Variants in IMPG1 observed in about 807,000 individuals in gnomAD.
IMPG1 encodes the protein interphotoreceptor matrix proteoglycan 1.
In IMPG1, 85 loss-of-function variants were observed where a neutral mutation model predicts 92.0. The observed-to-expected ratio is 0.92, with a 90% CI of 0.78 to 1.11. IMPG1 has a LOEUF of 1.11. Among genes scored for constraint, IMPG1 ranks in the 50% least tolerant of loss-of-function variants. IMPG1 has a pLI of 0.00. For missense variants in IMPG1, 1,022 were observed against 956.0 expected (o/e 1.07, Z -0.91); for synonymous variants, 367 against 334.1 (o/e 1.10, Z -1.08).
At chr6:75,931,197 C>T in intron 14 of IMPG1, 46 bp from the exon 15 acceptor site, 1 of 1,542,458 alleles carries the variant, frequency 6.5e-7, no homozygotes, top group Non-Finnish European at 8.8e-7. Context: ...AATAGCTAAG[C>T]AATGGAACTG....
At chr6:75,958,691 AC>A (rs1782168090) in intron 12 of IMPG1, among the ~76,000 whole-genome samples, 1 of 152,046 alleles carries the variant, frequency 6.6e-6, no homozygotes, top group South Asian at 2.1e-4. Flanking sequence ...TGTATGCCTC[AC>A]GAAGTTCTCG....
intron 8 of IMPG1, among the ~76,000 whole-genome samples, chr6:76,010,782 T>C (rs1473600722): frequency 6.6e-6 from 1 of 152,198 alleles, no homozygotes; most frequent in Non-Finnish European, 1.5e-5. Context: ...TAGCATCCCA[T>C]AGGAAACCAG....
intron 8 of IMPG1, 125 bp downstream of exon 8, chr6:76,011,041 T>A: frequency 1.7e-6 from 1 of 599,630 alleles, no homozygotes; most frequent in Non-Finnish European, 3.0e-6. Flanking sequence ...GTACTCCGTT[T>A]CCAGGATTTG....
At chr6:76,045,702 G>A (rs1260651731) in intron 1 of IMPG1, among the ~76,000 whole-genome samples, 1 of 152,132 alleles carries the variant, frequency 6.6e-6, no homozygotes, top group Non-Finnish European at 1.5e-5. Context: ...AATAAAAAGA[G>A]CTGATAGTTG....
At chr6:76,064,515 T>A (rs779964991) in intron 1 of IMPG1, among the ~76,000 whole-genome samples, 2 of 152,066 alleles carry the variant, frequency 1.3e-5, no homozygotes, top group Non-Finnish European at 2.9e-5. Context: ...GCCATGGAGC[T>A]GAGGTAGCTC....
intron 12 of IMPG1, among the ~76,000 whole-genome samples, chr6:75,957,385 G>T (rs186701371): frequency 7.1e-4 from 108 of 152,320 alleles, no homozygotes; most frequent in Non-Finnish European, 1.3e-3. Flanking sequence ...TGTATATTCT[G>T]TTGACTTGGG....
intron 12 of IMPG1, among the ~76,000 whole-genome samples, chr6:75,988,627 A>G (rs1782764393): frequency 6.6e-6 from 1 of 152,246 alleles, no homozygotes; most frequent in African/African-American, 2.4e-5. Context: ...AAGATAGCAG[A>G]TTACAGGTAC....
intron 12 of IMPG1, among the ~76,000 whole-genome samples, chr6:75,999,340 G>A (rs1317819313): frequency 1.3e-5 from 2 of 152,204 alleles, no homozygotes; most frequent in African/African-American, 4.8e-5. Flanking sequence ...TTAAACTGCT[G>A]AAGCTGAAAG....
chr6:75,928,768 C>T (rs192259471), intron 15 of IMPG1: 1 of 152,240 alleles, frequency 6.6e-6, no homozygotes, highest in Admixed American at 6.5e-5. Flanking sequence ...CATGTTAGAT[C>T]GAACTATACA....
chr6:76,034,240 G>T, intron 4 of IMPG1, 75 bp downstream of exon 4: 1 of 1,373,994 alleles, frequency 7.3e-7, no homozygotes, highest in Non-Finnish European at 1.0e-6. Context: ...AGGTAGAATA[G>T]CTTAGTTTCA....
At chr6:76,030,095 T>C (rs902467796) in intron 4 of IMPG1, among the ~76,000 whole-genome samples, 8 of 152,286 alleles carry the variant, frequency 5.3e-5, no homozygotes, top group African/African-American at 1.9e-4. Flanking sequence ...GCTTCCTGTT[T>C]CATGGATAAA....
Position 75,930,071 on chromosome 6 carries a change from C to T in IMPG1, c.2243+882G>A, listed in dbSNP as rs142495242. ...ATAGGTTGCATTATATAGAAACTTTCCTGGTCCCTTTCTGCTCATAAGGCC... is the reference window on the plus strand; with the variant it reads ...ATAGGTTGCATTATATAGAAACTTTTCTGGTCCCTTTCTGCTCATAAGGCC... On this transcript the variant is annotated intron_variant, in intron 15 of 16. Transcript: ENST00000369950. Among the ~76,000 whole-genome samples the T allele has an allele frequency of 1.8e-3, 269 of 152,282 alleles. 1 individual carries two copies. The highest frequency in any genetic ancestry group is 6.3e-3 in the African/African-American group (262 of 41,564).
intron 12 of IMPG1, among the ~76,000 whole-genome samples, chr6:75,972,785 C>T (rs888324873): frequency 3.9e-5 from 6 of 152,194 alleles, no homozygotes; most frequent in African/African-American, 1.4e-4. Context: ...TGAACATCTA[C>T]TATGTACCAG....
At chr6:76,071,993 T>C (rs968192656) in intron 1 of IMPG1, among the ~76,000 whole-genome samples, 7 of 152,112 alleles carry the variant, frequency 4.6e-5, no homozygotes, top group African/African-American at 1.7e-4. Flanking sequence ...AACTCATGAT[T>C]TCATTGTGAG....
intron 12 of IMPG1, among the ~76,000 whole-genome samples, chr6:75,975,064 A>G (rs1243576382): frequency 6.6e-6 from 1 of 152,222 alleles, no homozygotes; most frequent in African/African-American, 2.4e-5. Context: ...GTTGACTTGG[A>G]TGTGCCTGTG....
chr6:76,071,514 A>G (rs959686809), intron 1 of IMPG1, among the ~76,000 whole-genome samples: 2 of 151,934 alleles, frequency 1.3e-5, no homozygotes, highest in African/African-American at 4.8e-5. Flanking sequence ...TCTCCCTCCA[A>G]ATGCAATCAC....
At chr6:75,995,158 A>T (rs906440036) in intron 12 of IMPG1, among the ~76,000 whole-genome samples, 1 of 152,124 alleles carries the variant, frequency 6.6e-6, no homozygotes, top group African/African-American at 2.4e-5. Flanking sequence ...AATAAAATCA[A>T]TTCACTTCTA....
intron 5 of IMPG1, among the ~76,000 whole-genome samples, chr6:76,024,356 G>A (rs1200934407): frequency 6.6e-6 from 1 of 151,426 alleles, no homozygotes; most frequent in African/African-American, 2.4e-5. Flanking sequence ...GGAACACATT[G>A]CCCAGAGAAT....
chr6:75,924,229 TC>T (rs1480641140), intron 15 of IMPG1, among the ~76,000 whole-genome samples: 2 of 150,180 alleles, frequency 1.3e-5, no homozygotes, highest in Non-Finnish European at 3.0e-5. Context: ...GATCGAGCAA[TC>T]CCACTACTGG....
Sources: allele counts gnomAD v4.1 joint callset (sites outside exome capture counted in the v4.1 genomes callset), GRCh38; gene constraint gnomAD v4.1.1; transcripts MANE v1.5; gene names NCBI Gene and HGNC (gene_info 2026-07-23, HGNC 2026-07-21).